Variants in ANTXR2 observed in about 807,000 individuals in gnomAD.
The protein encoded by ANTXR2 is anthrax toxin receptor 2.
ANTXR2 carries 44 observed loss-of-function variants against 73.7 expected under a neutral mutation model. The ratio of observed to expected loss-of-function variants is 0.60; its 90% CI spans 0.47 to 0.77. The LOEUF (loss-of-function observed/expected upper bound fraction) is 0.77. ANTXR2 is among the 30% of genes least tolerant of loss of function. The pLI is 0.00. For missense variants in ANTXR2, 604 were observed against 592.5 expected (o/e 1.02, Z -0.20); for synonymous variants, 217 against 205.9 (o/e 1.05, Z -0.46).
At chr4:79,978,317 C>A in intron 14 of ANTXR2, 143 bp from the exon 15 acceptor site, 5 of 651,058 alleles carry the variant, frequency 7.7e-6, no homozygotes, top group Non-Finnish European at 6.8e-6. Context: ...TTCTCCTCTT[C>A]AGAGGCTAAA....
chr4:79,922,982 C>T (rs1464150415), intron 16 of ANTXR2, among the ~76,000 whole-genome samples: 1 of 152,042 alleles, frequency 6.6e-6, no homozygotes, highest in Non-Finnish European at 1.5e-5. Flanking sequence ...GCAAACAAAT[C>T]TAATTTGTTT....
intron 7 of ANTXR2, among the ~76,000 whole-genome samples, chr4:80,043,083 G>T (rs894710775): frequency 6.6e-6 from 1 of 151,908 alleles, no homozygotes; most frequent in Non-Finnish European, 1.5e-5. Flanking sequence ...GAGGGGAGTG[G>T]AGGATGAAAA....
intron 12 of ANTXR2, among the ~76,000 whole-genome samples, chr4:80,004,581 C>A (rs1472479655): frequency 6.6e-6 from 1 of 152,084 alleles, no homozygotes; most frequent in African/African-American, 2.4e-5. Context: ...ACTCCAATTT[C>A]TGCATCTATG....
rs896142017 is a variant in ANTXR2, at chr4:79,906,189, C to T, written c.*1240G>A. On this transcript the variant is annotated 3_prime_UTR_variant, in exon 17 of 17. Transcript: ENST00000403729. ...GTGGTTTTTCTAAAAAATTATAATA[C>T]ATACATCGTCAATGTTTTGTGATAG... 1 of 152,556 alleles carries T rather than the reference C, an allele frequency of 6.6e-6. No individual in the cohort carries two copies. Among genetic ancestry groups the T allele is most frequent in the African/African-American group, 2.4e-5 (1 of 41,430 alleles). The allele number at this position is 152,556 out of a possible 1,614,324, so 9.5% of individuals were successfully genotyped here.
intron 16 of ANTXR2, among the ~76,000 whole-genome samples, chr4:79,915,860 C>CTATATA (rs775665680): frequency 0.063 from 7,651 of 121,280 alleles, 228 homozygotes; most frequent in Admixed American, 0.089. Context: ...CTCTCTCTCT[C>CTATATA]TCTATATATA....
At position 79,904,619 on chromosome 4, in the gene ANTXR2, T is replaced by C. The variant is rs1371919672; in HGVS notation, c.*2810A>G. 2 of 152,078 alleles carry C rather than the reference T, an allele frequency of 1.3e-5. No individual in the cohort carries two copies. Among genetic ancestry groups the C allele is most frequent in the African/African-American group, 2.4e-5 (1 of 41,438 alleles). The allele number at this position is 152,078 out of a possible 1,614,324, so 9.4% of individuals were successfully genotyped here. A position where few individuals can be genotyped will look rare whatever the true frequency, so the allele number is the denominator to read the frequency against. On this transcript the variant is annotated 3_prime_UTR_variant, in exon 17 of 17. Coordinates refer to ENST00000403729, the MANE Select transcript of ANTXR2 (RefSeq NM_058172.6). ...AAAGAACAGACATTGTTATGAAATA[T>C]ATATAGATGCCTTCAAAACTTTCTT...
chr4:79,934,545 A>C (rs72653268), intron 16 of ANTXR2, among the ~76,000 whole-genome samples: 33,805 of 122,786 alleles, frequency 0.28, 4,431 homozygotes, highest in East Asian at 0.67. Flanking sequence ...ACAACAACAA[A>C]AAAAAAAAAA....
intron 16 of ANTXR2, among the ~76,000 whole-genome samples, chr4:79,919,464 G>T (rs1453385502): frequency 1.3e-5 from 2 of 152,114 alleles, no homozygotes; most frequent in African/African-American, 4.8e-5. Context: ...ATTTGAGTCA[G>T]TGGACTTGGA....
At chr4:79,907,901 C>CA (rs1280605027) in intron 16 of ANTXR2, among the ~76,000 whole-genome samples, 1 of 151,978 alleles carries the variant, frequency 6.6e-6, no homozygotes, top group Non-Finnish European at 1.5e-5. Context: ...TGAGGAATCC[C>CA]AAAAAAGGTA....
At chr4:80,027,551 T>G (rs1732499798) in intron 10 of ANTXR2, among the ~76,000 whole-genome samples, 1 of 152,152 alleles carries the variant, frequency 6.6e-6, no homozygotes, top group Non-Finnish European at 1.5e-5. Flanking sequence ...GAACTAATAC[T>G]ATCAGTTTCA....
chr4:79,931,920 T>C (rs1728072763), intron 16 of ANTXR2, among the ~76,000 whole-genome samples: 1 of 152,242 alleles, frequency 6.6e-6, no homozygotes. Flanking sequence ...CCATTCTTTA[T>C]TTCCTTATTT....
intron 16 of ANTXR2, among the ~76,000 whole-genome samples, chr4:79,929,494 A>C (rs1328655421): frequency 6.6e-6 from 1 of 152,222 alleles, no homozygotes; most frequent in Non-Finnish European, 1.5e-5. Context: ...GCTGGGCAAC[A>C]GAGCGAGACT....
At position 80,059,734 on chromosome 4, in the gene ANTXR2, C is replaced by A. The variant is rs546254164; in HGVS notation, c.297-3721G>T. Among the ~76,000 whole-genome samples, 3 of 151,850 alleles carry A rather than the reference C, an allele frequency of 2.0e-5. No homozygotes were observed. The East Asian group carries it at 5.8e-4, about 30-fold the overall frequency. On this transcript the variant is annotated intron_variant, in intron 3 of 16. Transcript: ENST00000403729. ...TCCCTAATTTCTTTGCTGAGAAGGG[C>A]AGGGAAGGGAAGGAGAGGGGAGAAG...
At chr4:80,034,120 A>G (rs1327699377) in intron 8 of ANTXR2, among the ~76,000 whole-genome samples, 1 of 152,120 alleles carries the variant, frequency 6.6e-6, no homozygotes, top group Non-Finnish European at 1.5e-5. Flanking sequence ...ACCTATAAAT[A>G]ATCAAAAGAT....
At position 79,978,077 on chromosome 4, in the gene ANTXR2, A is replaced by C; in HGVS notation, c.1277T>G (p.Ile426Ser). 1 of 1,613,870 alleles carries C rather than the reference A, an allele frequency of 6.2e-7. No homozygotes were observed. Among genetic ancestry groups the C allele is most frequent in the Middle Eastern group, 1.7e-4 (1 of 6,058 alleles). The change falls in exon 15 of 17, where the codon ATC becomes AGC. Residue 426 changes from isoleucine to serine, a missense_variant. Coordinates refer to ENST00000403729, the MANE Select transcript of ANTXR2 (RefSeq NM_058172.6). ...TTTGGGTCGAGGTGGTCTAGGCCTG[A>C]TGGGTTCCTCTGTTTCTTCAGGAAT... ...VKIPEETEEP[I>S]RPRPPRPKPT...
At chr4:80,018,458 C>T (rs1578159825) in intron 11 of ANTXR2, among the ~76,000 whole-genome samples, 1 of 151,986 alleles carries the variant, frequency 6.6e-6, no homozygotes. Context: ...TCAGAAAGCA[C>T]CAATATTTTA....
At chr4:80,031,302 TTAAAA>T (rs1732683473) in intron 10 of ANTXR2, among the ~76,000 whole-genome samples, 2 of 151,900 alleles carry the variant, frequency 1.3e-5, no homozygotes, top group South Asian at 4.1e-4. Flanking sequence ...GTGTGTGTGT[TTAAAA>T]TAATGTTTAT....
intron 12 of ANTXR2, among the ~76,000 whole-genome samples, chr4:80,001,212 T>C (rs544658961): frequency 6.6e-6 from 1 of 151,776 alleles, no homozygotes; most frequent in Non-Finnish European, 1.5e-5. Flanking sequence ...CATGTGCACA[T>C]TGTGCAGGTT....
rs528319540 is a variant in ANTXR2 at position 80,050,496 on chromosome 4, C to T, written c.636+3776G>A. ...TGGGTTAGTTTCCTGCCATGCCTAG[C>T]TTTCTACCAAATGATTTAAAGCCAA... is the stretch of plus-strand genomic sequence containing the variant. On this transcript the variant is annotated intron_variant, in intron 7 of 16. Coordinates refer to ENST00000403729, the MANE Select transcript of ANTXR2 (RefSeq NM_058172.6). Among the ~76,000 whole-genome samples the T allele has an allele frequency of 2.4e-4, 37 of 151,760 alleles. 1 individual carries two copies. In the South Asian group the frequency reaches 4.1e-3, roughly 17 times the overall value.
Sources: allele counts gnomAD v4.1 joint callset (sites outside exome capture counted in the v4.1 genomes callset), GRCh38; gene constraint gnomAD v4.1.1; transcripts MANE v1.5; gene names NCBI Gene and HGNC (gene_info 2026-07-23, HGNC 2026-07-21).